The following SHANK2 variants were observed in gnomAD, a reference collection of about 807,000 sequenced individuals.
SHANK2 encodes SH3 and multiple ankyrin repeat domains 2, also known as SH3 and multiple ankyrin repeat domains protein 2.
In SHANK2, 43 loss-of-function variants were observed where a neutral mutation model predicts 133.7. The ratio of observed to expected loss-of-function variants is 0.32; its 90% CI spans 0.25 to 0.41. The LOEUF is 0.41. Among genes scored for constraint, SHANK2 ranks in the 10% least tolerant of loss-of-function variants. The probability of loss-of-function intolerance (pLI) is 1.00; values close to 1 mark genes in which losing one functional copy is unlikely to be tolerated. For synonymous variants in SHANK2, 1,017 were observed against 952.8 expected (o/e 1.07, Z -1.24); for missense variants, 1,994 against 2,235.8 (o/e 0.89, Z 2.18).
intron 20 of SHANK2, among the ~76,000 whole-genome samples, chr11:70,501,406 A>G (rs2059049340): frequency 6.6e-6 from 1 of 152,220 alleles, no homozygotes; most frequent in African/African-American, 2.4e-5. Flanking sequence ...TCAACCCCCC[A>G]GGCCAGCTGG....
chr11:70,588,175 A>G (rs1554987262), intron 17 of SHANK2, among the ~76,000 whole-genome samples: 2 of 152,174 alleles, frequency 1.3e-5, no homozygotes, highest in African/African-American at 4.8e-5. Flanking sequence ...AGACACAACA[A>G]TATAGAAATT....
At chr11:70,672,573 G>T (rs1301340026) in intron 15 of SHANK2, among the ~76,000 whole-genome samples, 13 of 152,248 alleles carry the variant, frequency 8.5e-5, no homozygotes, top group Admixed American at 5.9e-4. Flanking sequence ...CCCGAGCCAG[G>T]CTGCTGTCCC....
chr11:70,755,691 C>T (rs977339166), intron 14 of SHANK2, among the ~76,000 whole-genome samples: 13 of 152,186 alleles, frequency 8.5e-5, no homozygotes, highest in African/African-American at 2.7e-4. Context: ...CCGCACCCCG[C>T]GGCTGCCATC....
chr11:70,718,819 A>C (rs1946011372), intron 14 of SHANK2, among the ~76,000 whole-genome samples: 1 of 148,956 alleles, frequency 6.7e-6, no homozygotes, highest in Admixed American at 6.8e-5. Context: ...GGTTGGGGAT[A>C]CTCAATGGAT....
At chr11:71,122,483 A>C (rs1219855027) in intron 3 of SHANK2, among the ~76,000 whole-genome samples, 6 of 152,070 alleles carry the variant, frequency 3.9e-5, no homozygotes, top group Non-Finnish European at 8.8e-5. Flanking sequence ...AACATCACAC[A>C]TGGGGGCCTG....
intron 8 of SHANK2, among the ~76,000 whole-genome samples, chr11:71,075,767 C>T (rs934776577): frequency 1.8e-4 from 27 of 152,308 alleles, no homozygotes; most frequent in African/African-American, 5.1e-4. Flanking sequence ...TGTCCTTCGA[C>T]GTGCGACGGA....
intron 14 of SHANK2, among the ~76,000 whole-genome samples, chr11:70,749,320 CA>C (rs1946709365): frequency 6.6e-6 from 1 of 152,328 alleles, no homozygotes; most frequent in African/African-American, 2.4e-5. Flanking sequence ...ATGTGTAGGA[CA>C]GGCACAAAGG....
chr11:70,492,398 C>T lies in SHANK2; in HGVS notation c.2376G>A (p.Pro792=), dbSNP rs563688712. The stretch of plus-strand genomic sequence containing the variant: ...GCCGCTGCTTGATGGTCGCCACCCT[C>T]GGTTCCACAGCCATGTTCTCAGCAG... ...SRAAENMAVE[P]RVATIKQRPS... is the part of the protein sequence containing the mutation. The change falls in exon 22 of 26, where the codon CCG becomes CCA. Residue 792 remains proline, a synonymous_variant. Transcript: ENST00000601538. The T allele has an allele frequency of 2.3e-4, 371 of 1,613,746 alleles. 1 individual carries two copies. In the East Asian group the frequency reaches 6.9e-3, roughly 30 times the overall value.
intron 17 of SHANK2, among the ~76,000 whole-genome samples, chr11:70,513,635 T>C (rs1017599691): frequency 9.9e-5 from 15 of 152,224 alleles, no homozygotes; most frequent in African/African-American, 3.4e-4. Flanking sequence ...ACTGTAACAA[T>C]ACCCAACTAG....
intron 17 of SHANK2, among the ~76,000 whole-genome samples, chr11:70,590,769 CAAAAA>C (rs57234694): frequency 7.2e-6 from 1 of 139,648 alleles, no homozygotes; most frequent in South Asian, 2.3e-4. Flanking sequence ...ACTGGGAAAC[CAAAAA>C]AAAAAAAAAG....
chr11:70,523,069 A>T (rs371607440), intron 17 of SHANK2, among the ~76,000 whole-genome samples: 4 of 152,180 alleles, frequency 2.6e-5, no homozygotes, highest in East Asian at 1.9e-4. Context: ...CACACCTGCA[A>T]TGCTGGTGTG....
rs11236786 is a variant in SHANK2, at chr11:70,602,481, A to C, written c.2061+57347T>G. On this transcript the variant is annotated intron_variant, in intron 17 of 25. Coordinates refer to ENST00000601538, the MANE Select transcript of SHANK2 (RefSeq NM_012309.5). ...GAGTTCCTCTGTTTACAGCCCCCCA[A>C]ACCAGGAGGGGGTCACACGTCCCTC... Among the ~76,000 whole-genome samples the C allele has an allele frequency of 4.6e-5, 7 of 152,282 alleles. No individual in the cohort carries two copies. The East Asian group carries it at 1.3e-3, about 29-fold the overall frequency.
chr11:71,246,367 G>A (rs1375619539), intron 1 of SHANK2, among the ~76,000 whole-genome samples: 1 of 152,092 alleles, frequency 6.6e-6, no homozygotes, highest in Non-Finnish European at 1.5e-5. Flanking sequence ...GGACTGATGA[G>A]CCGGAGTGAG....
intron 10 of SHANK2, among the ~76,000 whole-genome samples, chr11:70,904,953 C>T (rs1334442128): frequency 6.6e-6 from 1 of 152,164 alleles, no homozygotes; most frequent in Non-Finnish European, 1.5e-5. Flanking sequence ...TCCATTAAAC[C>T]TTTTTCTTCC....
At chr11:70,744,994 G>C (rs1591807240) in intron 14 of SHANK2, among the ~76,000 whole-genome samples, 1 of 152,220 alleles carries the variant, frequency 6.6e-6, no homozygotes, top group African/African-American at 2.4e-5. Context: ...CACCACGGGG[G>C]ACACCGGCGC....
chr11:70,595,618 C>G (rs1340060829), intron 17 of SHANK2, among the ~76,000 whole-genome samples: 1 of 152,220 alleles, frequency 6.6e-6, no homozygotes, highest in Non-Finnish European at 1.5e-5. Flanking sequence ...TTCCACGGCT[C>G]AGGTTCCCCT....
intron 11 of SHANK2, among the ~76,000 whole-genome samples, chr11:70,856,084 T>C (rs782356444): frequency 6.7e-6 from 1 of 148,774 alleles, no homozygotes. Flanking sequence ...AATGGATAGA[T>C]GAGTGGGTGG....
chr11:70,472,819 C>G lies in SHANK2; in HGVS notation c.*50G>C. 6.4e-7 allele frequency: 1 copy of G among 1,555,790 alleles called. No homozygotes were observed. The highest frequency in any genetic ancestry group is 8.9e-7 in the Non-Finnish European group (1 of 1,127,060). On this transcript the variant is annotated 3_prime_UTR_variant, in exon 26 of 26. Coordinates refer to ENST00000601538, the MANE Select transcript of SHANK2 (RefSeq NM_012309.5). The surrounding 1 kb of genome is among the most constrained non-coding windows in gnomAD (Gnocchi z 4.4). The stretch of plus-strand genomic sequence containing the variant: ...GGCATTCAGATGTTTCAGCACGAGC[C>G]CATCTCTACTTATAACAAGAGCAGT...
intron 17 of SHANK2, among the ~76,000 whole-genome samples, chr11:70,562,251 G>C (rs1252338173): frequency 2.0e-5 from 3 of 152,182 alleles, no homozygotes; most frequent in African/African-American, 7.2e-5. Flanking sequence ...AAGTACACTT[G>C]AAAACAAAGC....
Sources: gnomAD v4.1 joint callset for allele counts (sites outside exome capture counted in the v4.1 genomes callset) on GRCh38, gnomAD v4.1.1 for gene constraint, Gnocchi (gnomAD v3.1) non-coding constraint, MANE v1.5 for transcripts, NCBI Gene and HGNC (gene_info 2026-07-23, HGNC 2026-07-21) for gene names.